The following RD3 variants were observed in gnomAD, a reference collection of about 807,000 sequenced individuals.
The protein encoded by RD3 is protein RD3.
Under a neutral mutation model 16.9 loss-of-function variants are expected in RD3, and 11 were observed. The ratio of observed to expected loss-of-function variants is 0.65; its 90% CI spans 0.41 to 1.08. The LOEUF (loss-of-function observed/expected upper bound fraction) is 1.08, where lower values mean the gene tolerates loss of function less well. Ranked by LOEUF, RD3 falls within the 50% of genes least tolerant of loss-of-function variation. The pLI is 0.00. For missense variants in RD3, 274 were observed against 267.4 expected (o/e 1.02, Z -0.17); for synonymous variants, 116 against 114.8 (o/e 1.01, Z -0.07).
rs12040334 is a variant in RD3 at position 211,490,087 on chromosome 1, G to A, written c.-12+1681C>T. The stretch of plus-strand genomic sequence containing the variant: ...GAGGCGCCACTACCAGCTGTGGCTC[G>A]TTAGCTGTGCTGGAAAAACTCTCGC... On this transcript the variant is annotated intron_variant, in intron 1 of 2. Coordinates refer to ENST00000680073, the MANE Select transcript of RD3 (RefSeq NM_001164688.2). Among the ~76,000 whole-genome samples, 551 of 152,168 alleles carry A rather than the reference G, an allele frequency of 3.6e-3. 3 individuals are homozygous for A. The highest frequency in any genetic ancestry group is 4.8e-3 in the Non-Finnish European group (328 of 68,014).
intron 1 of RD3, among the ~76,000 whole-genome samples, chr1:211,487,179 G>A (rs75499318): frequency 5.3e-5 from 8 of 152,186 alleles, no homozygotes; most frequent in African/African-American, 1.7e-4. Flanking sequence ...TCTTAAGACC[G>A]AGAATGAGCC....
rs79453083 is a variant in RD3, at chr1:211,483,593, G to T, written c.-11-2167C>A. Among the ~76,000 whole-genome samples, 106 of 152,206 alleles carry T rather than the reference G, an allele frequency of 7.0e-4. 2 individuals are homozygous for T. In the East Asian group the frequency reaches 0.02, roughly 29 times the overall value. On this transcript the variant is annotated intron_variant, in intron 1 of 2. Transcript: ENST00000680073. The stretch of plus-strand genomic sequence containing the variant: ...GGACGAACCATTAGACCCTACTCCT[G>T]GGGTCAGTAGCAGCTAGGACGTTTA...
chr1:211,484,034 G>A (rs1162250008), intron 1 of RD3, among the ~76,000 whole-genome samples: 1 of 152,158 alleles, frequency 6.6e-6, no homozygotes, highest in African/African-American at 2.4e-5. Flanking sequence ...TCTAGGGTCA[G>A]CACCCTCGGA....
chr1:211,486,150 C>CAA (rs111329963), intron 1 of RD3, among the ~76,000 whole-genome samples: 16,281 of 108,842 alleles, frequency 0.15, 1,435 homozygotes, highest in East Asian at 0.48. Flanking sequence ...GACCCCATCT[C>CAA]AAAAAAAAAA....
intron 2 of RD3, 43 bp downstream of exon 2, chr1:211,481,077 C>G (rs780977148): frequency 6.2e-7 from 1 of 1,606,302 alleles, no homozygotes; most frequent in East Asian, 2.2e-5. Flanking sequence ...GCCACCTTTC[C>G]TGGAGCCTGC....
At position 211,476,796 on chromosome 1, in the gene RD3, T is replaced by C. The variant is rs1365819983; in HGVS notation, c.*2240A>G. On this transcript the variant is annotated 3_prime_UTR_variant, in exon 3 of 3. Transcript: ENST00000680073. ...AACACCACATTGAAAGCCTAAGGTCTTCCTTCTCTTTGGGGAGAATAGGTA... is the reference window on the plus strand; with the variant it reads ...AACACCACATTGAAAGCCTAAGGTCCTCCTTCTCTTTGGGGAGAATAGGTA... The C allele has an allele frequency of 6.6e-6, 1 of 152,146 alleles. No individual in the cohort carries two copies. Among genetic ancestry groups the C allele is most frequent in the Non-Finnish European group, 1.5e-5 (1 of 68,036 alleles). The allele number at this position is 152,146 out of a possible 1,614,324, so 9.4% of individuals were successfully genotyped here.
At chr1:211,480,484 A>C (rs1273580659) in intron 2 of RD3, among the ~76,000 whole-genome samples, 1 of 152,226 alleles carries the variant, frequency 6.6e-6, no homozygotes, top group Non-Finnish European at 1.5e-5. Context: ...AACTTGAGTT[A>C]TTTTGAAATT....
intron 1 of RD3, among the ~76,000 whole-genome samples, chr1:211,484,460 C>T (rs1358009597): frequency 4.6e-5 from 7 of 152,044 alleles, no homozygotes; most frequent in Admixed American, 4.6e-4. Context: ...AAGAAGAGAG[C>T]AAGAGAGTGG....
chr1:211,482,221 T>A lies in RD3; in HGVS notation c.-11-795A>T, dbSNP rs539612702. Reference sequence around the variant, plus strand: ...TGGGCAAAAAGAGCAAAACTCCGTTTAAAAAAAAAACTGTATGGATTAACA... The same window carrying A: ...TGGGCAAAAAGAGCAAAACTCCGTTAAAAAAAAAAACTGTATGGATTAACA... On this transcript the variant is annotated intron_variant, in intron 1 of 2. Coordinates refer to ENST00000680073, the MANE Select transcript of RD3 (RefSeq NM_001164688.2). Among the ~76,000 whole-genome samples the A allele has an allele frequency of 1.9e-4, 28 of 149,496 alleles. 2 individuals are homozygous for A. The highest frequency in any genetic ancestry group is 6.7e-4 in the African/African-American group (27 of 40,450).
chr1:211,484,938 G>T (rs1385678827), intron 1 of RD3, among the ~76,000 whole-genome samples: 2 of 152,236 alleles, frequency 1.3e-5, no homozygotes, highest in African/African-American at 4.8e-5. Flanking sequence ...CCCCTTCTGT[G>T]GGGAAGTGGG....
rs11119747 is a variant in RD3 at position 211,477,705 on chromosome 1, C to T, written c.*1331G>A. On this transcript the variant is annotated 3_prime_UTR_variant, in exon 3 of 3. Coordinates refer to ENST00000680073, the MANE Select transcript of RD3 (RefSeq NM_001164688.2). ...TTCAAAACCAAATCATTCAAAAAAACTTTTTTCCACTGAGGGAATACACAC... is the reference window on the plus strand; with the variant it reads ...TTCAAAACCAAATCATTCAAAAAAATTTTTTTCCACTGAGGGAATACACAC... The T allele has an allele frequency of 0.18, 29,693 of 165,138 alleles. 3,442 individuals carry two copies. Among genetic ancestry groups the T allele is most frequent in the African/African-American group, 0.32 (13,477 of 41,990 alleles). The allele number at this position is 165,138 out of a possible 1,614,324, so 10.2% of individuals were successfully genotyped here.
rs1264747297 is a variant in RD3 at position 211,481,177 on chromosome 1, T to G, written c.239A>C (p.Gln80Pro). ...TYDLSPIERLQLEDVCVKIHP... is the reference protein window; with the variant it reads ...TYDLSPIERLPLEDVCVKIHP... ...GATCTTAACGCAGACATCTTCCAGC[T>G]GCAACCGCTCAATGGGGCTGAGGTC... Residue 80 changes from glutamine (Q) to proline (P), a missense_variant, in exon 2 of 3, where the codon CAG becomes CCG. Coordinates refer to ENST00000680073, the MANE Select transcript of RD3 (RefSeq NM_001164688.2). The G allele has an allele frequency of 6.2e-7, 1 of 1,614,162 alleles. No homozygotes were observed. The highest frequency in any genetic ancestry group is 8.5e-7 in the Non-Finnish European group (1 of 1,180,054).
intron 1 of RD3, among the ~76,000 whole-genome samples, chr1:211,490,596 G>A (rs575308557): frequency 2.2e-4 from 34 of 152,366 alleles, no homozygotes; most frequent in Admixed American, 2.2e-3. Context: ...TGCTTCTCTG[G>A]CTAATCTGCC....
rs1558183290 is a variant in RD3, at chr1:211,492,051, GTGTGT to G, written c.-300_-296del. 113 of 16,660 alleles carry G rather than the reference GTGTGT, an allele frequency of 6.8e-3. No individual in the cohort carries two copies. The highest frequency in any genetic ancestry group is 0.029 in the African/African-American group (70 of 2,388). 1.0% of individuals were successfully genotyped at this position (16,660 alleles called of 1,614,324 possible). A position where few individuals can be genotyped will look rare whatever the true frequency, so the allele number is the denominator to read the frequency against. ...ACTATTGTTTGTGGGGTGTGTAGGT[GTGTGT>G]GTGTGTGTGTGTGTGTGTGTGTGTG... On this transcript the variant is annotated 5_prime_UTR_variant, in exon 1 of 3. An upstream open reading frame in the 5' UTR loses its in-frame stop. Coordinates refer to ENST00000680073, the MANE Select transcript of RD3 (RefSeq NM_001164688.2).
In RD3 at chr1:211,484,455, G is replaced by A. The variant is rs374197872; in HGVS notation, c.-11-3029C>T. Among the ~76,000 whole-genome samples, 9 of 152,282 alleles carry A rather than the reference G, an allele frequency of 5.9e-5. 2 individuals carry two copies. The highest frequency in any genetic ancestry group is 1.9e-4 in the African/African-American group (8 of 41,550). ...TGGGTTTGAATTTGAGCTGAAAGAA[G>A]AGAGCAAGAGAGTGGCTTGGCAGCA... On this transcript the variant is annotated intron_variant, in intron 1 of 2. Transcript: ENST00000680073.
chr1:211,483,245 T>G (rs924271536), intron 1 of RD3, among the ~76,000 whole-genome samples: 1 of 151,760 alleles, frequency 6.6e-6, no homozygotes, highest in Non-Finnish European at 1.5e-5. Context: ...GCAGCTCACT[T>G]GAAGCCAGGA....
chr1:211,483,496 G>A (rs1460544891), intron 1 of RD3, among the ~76,000 whole-genome samples: 4 of 151,588 alleles, frequency 2.6e-5, no homozygotes, highest in African/African-American at 7.3e-5. Flanking sequence ...CATTCTCCAC[G>A]CAACCTAAGC....
chr1:211,484,079 GT>G (rs1705328104), intron 1 of RD3, among the ~76,000 whole-genome samples: 1 of 152,146 alleles, frequency 6.6e-6, no homozygotes, highest in African/African-American at 2.4e-5. Flanking sequence ...CGAGGTAGAT[GT>G]GGCCACTCTC....
intron 1 of RD3, 133 bp from the exon 2 acceptor site, chr1:211,481,559 T>G (rs1572142104): frequency 1.3e-6 from 1 of 749,646 alleles, no homozygotes; most frequent in East Asian, 2.7e-5. Context: ...AACAGTTGAG[T>G]GGCCTCAAGT....
Sources: allele counts gnomAD v4.1 joint callset (sites outside exome capture counted in the v4.1 genomes callset), GRCh38; gene constraint gnomAD v4.1.1; transcripts MANE v1.5; gene names NCBI Gene and HGNC (gene_info 2026-07-23, HGNC 2026-07-21).